Variants in RANBP2 observed in about 807,000 individuals in gnomAD.
RANBP2 encodes RAN binding protein 2.
Under a neutral mutation model 303.6 loss-of-function variants are expected in RANBP2, and 57 were observed. That is an observed-to-expected ratio of 0.19 (90% CI 0.15 to 0.23). RANBP2 has a LOEUF of 0.23. Ranked by LOEUF, RANBP2 falls within the 10% of genes least tolerant of loss-of-function variation. The probability of loss-of-function intolerance (pLI) is 1.00; values close to 1 mark genes in which losing one functional copy is unlikely to be tolerated. For synonymous variants in RANBP2, 1,167 were observed against 1,301.5 expected (o/e 0.90, Z 2.23); for missense variants, 3,138 against 3,780.8 (o/e 0.83, Z 4.46).
chr2:109,436,473 G>C, the RANBP2 span, among the ~76,000 whole-genome samples: 2 of 152,340 alleles, frequency 1.3e-5, no homozygotes, highest in East Asian at 3.9e-4. Flanking sequence ...TGGCAGTCGT[G>C]CCCAGAGGGG....
At chr2:109,501,954 G>A in the RANBP2 span, 7 of 391,598 alleles carry the variant, frequency 1.8e-5, no homozygotes, top group Admixed American at 3.7e-5. Context: ...AGGTGCCGGC[G>A]CAGGCAGGCC....
At chr2:108,970,150 G>A in the RANBP2 span, among the ~76,000 whole-genome samples, 16 of 152,250 alleles carry the variant, frequency 1.1e-4, no homozygotes, top group Middle Eastern at 3.4e-3. Context: ...TGCACTGAGA[G>A]GGGAGCATCG....
chr2:109,365,689 G>A, the RANBP2 span, among the ~76,000 whole-genome samples: 1 of 152,082 alleles, frequency 6.6e-6, no homozygotes, highest in Non-Finnish European at 1.5e-5. Flanking sequence ...CACAGACACT[G>A]TTTTATTTCA....
At chr2:109,437,263 TCATGGCA>T in the RANBP2 span, 1 of 1,416,982 alleles carries the variant, frequency 7.1e-7, no homozygotes, top group Admixed American at 2.8e-5. Flanking sequence ...GGTGGCAGCT[TCATGGCA>T]GCTGGAGAAA....
chr2:109,091,557 G>T, the RANBP2 span, among the ~76,000 whole-genome samples: 1 of 152,104 alleles, frequency 6.6e-6, no homozygotes, highest in African/African-American at 2.4e-5. Flanking sequence ...GATAAAATCG[G>T]CTCTGTCTAG....
chr2:109,666,094 A>G, the RANBP2 span, among the ~76,000 whole-genome samples: 4 of 151,666 alleles, frequency 2.6e-5, no homozygotes, highest in African/African-American at 9.7e-5. Context: ...CTGGCAAAAG[A>G]GACAGATTCT....
At chr2:109,067,377 A>G in the RANBP2 span, among the ~76,000 whole-genome samples, 1 of 152,236 alleles carries the variant, frequency 6.6e-6, no homozygotes, top group Non-Finnish European at 1.5e-5. Flanking sequence ...GACGCCTCCA[A>G]AGATAGCTAC....
chr2:109,742,439 A>AACAAAC, the RANBP2 span, among the ~76,000 whole-genome samples: 1 of 94,436 alleles, frequency 1.1e-5, no homozygotes, highest in African/African-American at 3.0e-5. Flanking sequence ...CAAAAACAAA[A>AACAAAC]ACAAACAAAC....
the RANBP2 span, among the ~76,000 whole-genome samples, chr2:109,520,621 A>G: frequency 0.069 from 6,435 of 92,968 alleles, 912 homozygotes; most frequent in African/African-American, 0.2. Flanking sequence ...AAAAAAAAAA[A>G]AAAGAAAAAA....
chr2:109,534,204 T>C, the RANBP2 span, among the ~76,000 whole-genome samples: 2 of 152,166 alleles, frequency 1.3e-5, no homozygotes, highest in African/African-American at 4.8e-5. Flanking sequence ...CTACACTGTT[T>C]CCTCAGAAAG....
chr2:109,107,039 G>A, the RANBP2 span, among the ~76,000 whole-genome samples: 23 of 149,708 alleles, frequency 1.5e-4, no homozygotes, highest in African/African-American at 5.7e-4. Context: ...CTGGGTTCAA[G>A]CGATTCTTCT....
chr2:109,497,460 T>A, the RANBP2 span, among the ~76,000 whole-genome samples: 1 of 152,228 alleles, frequency 6.6e-6, no homozygotes, highest in African/African-American at 2.4e-5. Context: ...TCATTCTGAT[T>A]TTGCCCATTT....
the RANBP2 span, among the ~76,000 whole-genome samples, chr2:109,441,979 T>C: frequency 1.3e-5 from 2 of 150,248 alleles, no homozygotes; most frequent in Non-Finnish European, 2.9e-5. Context: ...TAAAGAATTA[T>C]TCAGAAATAG....
chr2:109,050,049 G>T, the RANBP2 span, among the ~76,000 whole-genome samples: 4 of 152,146 alleles, frequency 2.6e-5, no homozygotes, highest in Admixed American at 2.0e-4. Flanking sequence ...GCTTGCCACT[G>T]TGTCTCTTGG....
the RANBP2 span, among the ~76,000 whole-genome samples, chr2:109,348,390 G>A: frequency 1.5e-3 from 228 of 152,322 alleles, no homozygotes; most frequent in Non-Finnish European, 2.6e-3. Context: ...GATAGCTGGG[G>A]TCTCACATCT....
the RANBP2 span, among the ~76,000 whole-genome samples, chr2:109,447,980 G>C: frequency 2.0e-5 from 3 of 152,148 alleles, no homozygotes; most frequent in Non-Finnish European, 4.4e-5. Flanking sequence ...GGTGGTGGGC[G>C]GCTTCTCCTC....
chr2:109,412,225 C>T, the RANBP2 span, among the ~76,000 whole-genome samples: 2 of 152,258 alleles, frequency 1.3e-5, no homozygotes, highest in African/African-American at 4.8e-5. Flanking sequence ...GCCCAGCAGA[C>T]AAAACACAGT....
At chr2:109,078,102 A>ATATATATATATATATATATGGCG in the RANBP2 span, among the ~76,000 whole-genome samples, 6 of 90,126 alleles carry the variant, frequency 6.7e-5, no homozygotes, top group Non-Finnish European at 4.5e-5. Flanking sequence ...ATATATATAT[A>ATATATATATATATATATATGGCG]TATATATATA....
At chr2:108,998,248 G>T in the RANBP2 span, among the ~76,000 whole-genome samples, 1 of 152,064 alleles carries the variant, frequency 6.6e-6, no homozygotes, top group Admixed American at 6.6e-5. Flanking sequence ...GTTTATTCTT[G>T]GTCTCCTGTG....
Sources: allele counts gnomAD v4.1 joint callset (sites outside exome capture counted in the v4.1 genomes callset), GRCh38; gene constraint gnomAD v4.1.1; transcripts MANE v1.5; gene names NCBI Gene and HGNC (gene_info 2026-07-23, HGNC 2026-07-21).